UMAD1: variants seen among roughly 807,000 people sequenced by gnomAD.
The protein encoded by UMAD1 is UBAP1-MVB12-associated (UMA) domain containing 1.
A neutral mutation model predicts 6.1 loss-of-function variants in UMAD1; 8 were observed. The ratio of observed to expected loss-of-function variants is 1.30; its 90% CI spans 0.76 to 2.35. The LOEUF (loss-of-function observed/expected upper bound fraction) is 2.35. Among genes scored for constraint, UMAD1 ranks in the 30% most tolerant of loss-of-function variants. UMAD1 has a pLI of 0.00. For synonymous variants in UMAD1, 56 were observed against 31.4 expected (o/e 1.78, Z -2.61); for missense variants, 130 against 78.4 (o/e 1.66, Z -2.49).
chr7:7,789,626 C>T (rs1002617994), intron 2 of UMAD1, among the ~76,000 whole-genome samples: 1 of 151,220 alleles, frequency 6.6e-6, no homozygotes, highest in Non-Finnish European at 1.5e-5. Context: ...TTCTCCCCTC[C>T]CCACAGACCC....
intron 3 of UMAD1, among the ~76,000 whole-genome samples, chr7:7,848,407 G>A (rs1380076972): frequency 6.6e-6 from 1 of 152,050 alleles, no homozygotes; most frequent in Non-Finnish European, 1.5e-5. Flanking sequence ...TTTCCTGCAG[G>A]AAGTCTTCAC....
At position 7,678,850 on chromosome 7, in the gene UMAD1, A is replaced by T. The variant is rs1160563583; in HGVS notation, c.82+5397A>T. Among the ~76,000 whole-genome samples, 86 of 20,002 alleles carry T rather than the reference A, an allele frequency of 4.3e-3. 28 individuals are homozygous for T. The highest frequency in any genetic ancestry group is 5.5e-3 in the Non-Finnish European group (69 of 12,554). The allele number at this position is 20,002 out of a possible 152,430, so 13.1% of individuals were successfully genotyped here. A position where few individuals can be genotyped will look rare whatever the true frequency, so the allele number is the denominator to read the frequency against. On this transcript the variant is annotated intron_variant, in intron 2 of 3. Coordinates refer to ENST00000682710, the MANE Select transcript of UMAD1 (RefSeq NM_001302348.2). ...AAACATATATTTATATATTTAGTTT[A>T]TAAACATATATTTATATATTTAGTT...
intron 3 of UMAD1, among the ~76,000 whole-genome samples, chr7:7,847,105 ATATAT>A (rs1351544444): frequency 1.5e-3 from 7 of 4,542 alleles, no homozygotes; most frequent in African/African-American, 3.5e-3. Flanking sequence ...AAAAAAAAAA[ATATAT>A]ATATATATAT....
intron 2 of UMAD1, among the ~76,000 whole-genome samples, chr7:7,777,961 C>T (rs1479786161): frequency 6.6e-6 from 1 of 152,140 alleles, no homozygotes; most frequent in Non-Finnish European, 1.5e-5. Flanking sequence ...TTGCTCTCCC[C>T]TTATTAAAAG....
intron 3 of UMAD1, among the ~76,000 whole-genome samples, chr7:7,824,571 C>T (rs1783305558): frequency 6.6e-6 from 1 of 152,158 alleles, no homozygotes; most frequent in African/African-American, 2.4e-5. Flanking sequence ...TGCTATCCTA[C>T]TTGAGCTTTT....
chr7:7,654,103 T>G lies in UMAD1; in HGVS notation c.-64+13282T>G, dbSNP rs537346894. On this transcript the variant is annotated intron_variant, in intron 1 of 3. Transcript: ENST00000682710. Reference sequence around the variant, plus strand: ...TTTCTTATCACTGCTAGGCTACCCTTCTTGATTCTGAAAACCATAGGACCA... The same window carrying G: ...TTTCTTATCACTGCTAGGCTACCCTGCTTGATTCTGAAAACCATAGGACCA... Among the ~76,000 whole-genome samples the G allele has an allele frequency of 5.3e-5, 8 of 152,296 alleles. 1 individual carries two copies. Among genetic ancestry groups the G allele is most frequent in the African/African-American group, 1.9e-4 (8 of 41,562 alleles).
intron 2 of UMAD1, among the ~76,000 whole-genome samples, chr7:7,674,440 T>C (rs981169092): frequency 1.3e-5 from 2 of 152,214 alleles, no homozygotes; most frequent in Non-Finnish European, 2.9e-5. Flanking sequence ...TACTATAGAA[T>C]TTTCCATCAT....
chr7:7,823,689 A>G (rs7804567), intron 3 of UMAD1, among the ~76,000 whole-genome samples: 17,337 of 152,186 alleles, frequency 0.11, 1,056 homozygotes, highest in East Asian at 0.21. Flanking sequence ...ATATTAGCGT[A>G]TATATTTCTG....
chr7:7,715,190 TC>T (rs1780868232), intron 2 of UMAD1: 1 of 152,214 alleles, frequency 6.6e-6, no homozygotes, highest in African/African-American at 2.4e-5. Flanking sequence ...ACTATTGTAT[TC>T]CCTGTGCATT....
chr7:7,657,608 G>A (rs183820071), intron 1 of UMAD1, among the ~76,000 whole-genome samples: 14 of 152,258 alleles, frequency 9.2e-5, no homozygotes, highest in African/African-American at 3.4e-4. Flanking sequence ...GTATGTCAAA[G>A]ATCAGATGGT....
chr7:7,648,963 G>A (rs1323597464), intron 1 of UMAD1, among the ~76,000 whole-genome samples: 1 of 152,070 alleles, frequency 6.6e-6, no homozygotes, highest in Non-Finnish European at 1.5e-5. Flanking sequence ...GTTGAGACCA[G>A]CCTGGCCAAC....
chr7:7,716,739 A>T (rs1331193937), intron 2 of UMAD1, among the ~76,000 whole-genome samples: 1 of 152,176 alleles, frequency 6.6e-6, no homozygotes, highest in African/African-American at 2.4e-5. Context: ...AGGTCAGGAG[A>T]TCGAGACCAT....
At position 7,778,226 on chromosome 7, in the gene UMAD1, T is replaced by TTGTGTG. The variant is rs61647575; in HGVS notation, c.83-23399_83-23394dup. Among the ~76,000 whole-genome samples the TTGTGTG allele has an allele frequency of 2.2e-3, 274 of 126,434 alleles. 1 individual carries two copies. Among genetic ancestry groups the TTGTGTG allele is most frequent in the Admixed American group, 5.3e-3 (65 of 12,314 alleles). The allele number at this position is 126,434 out of a possible 152,430, so 82.9% of individuals were successfully genotyped here. On this transcript the variant is annotated intron_variant, in intron 2 of 3. Coordinates refer to ENST00000682710, the MANE Select transcript of UMAD1 (RefSeq NM_001302348.2). ...CATCTTGGCTTCTCCAAAACTGGTTTTGTGTGTGTGTGTGTGTGTGTGTGT... is the reference window on the plus strand; with the variant it reads ...CATCTTGGCTTCTCCAAAACTGGTTTTGTGTGTGTGTGTGTGTGTGTGTGTGTGTGT...
chr7:7,845,529 T>G (rs2115318626), intron 3 of UMAD1, among the ~76,000 whole-genome samples: 2 of 152,262 alleles, frequency 1.3e-5, no homozygotes, highest in African/African-American at 4.8e-5. Flanking sequence ...TGAAACTAGC[T>G]TTTTGTGACT....
intron 2 of UMAD1, among the ~76,000 whole-genome samples, chr7:7,702,333 G>A (rs1308749106): frequency 6.6e-6 from 1 of 152,060 alleles, no homozygotes; most frequent in African/African-American, 2.4e-5. Context: ...GACTTTTAAG[G>A]AAAGATGAGA....
At chr7:7,875,013 A>G (rs950998377) in intron 3 of UMAD1, among the ~76,000 whole-genome samples, 1 of 152,146 alleles carries the variant, frequency 6.6e-6, no homozygotes, top group African/African-American at 2.4e-5. Flanking sequence ...ACCTCAGGTG[A>G]TCTGCCCACC....
At chr7:7,676,988 C>T (rs543441352) in intron 2 of UMAD1, among the ~76,000 whole-genome samples, 41 of 152,190 alleles carry the variant, frequency 2.7e-4, no homozygotes, top group Non-Finnish European at 5.6e-4. Flanking sequence ...TCAGAGCATA[C>T]TGTATAAAAT....
intron 3 of UMAD1, among the ~76,000 whole-genome samples, chr7:7,806,009 A>T (rs143065391): frequency 6.6e-6 from 1 of 152,212 alleles, no homozygotes; most frequent in Non-Finnish European, 1.5e-5. Flanking sequence ...CTAACTGATC[A>T]TCTAGATTTT....
intron 2 of UMAD1, among the ~76,000 whole-genome samples, chr7:7,698,549 T>C (rs1049719396): frequency 6.6e-6 from 1 of 152,196 alleles, no homozygotes; most frequent in African/African-American, 2.4e-5. Context: ...AAATGTTTTT[T>C]TCTTTTCTTT....
Sources: allele counts gnomAD v4.1 joint callset (sites outside exome capture counted in the v4.1 genomes callset), GRCh38; gene constraint gnomAD v4.1.1; transcripts MANE v1.5; gene names NCBI Gene and HGNC (gene_info 2026-07-23, HGNC 2026-07-21).